ENTPD6: variants seen among roughly 807,000 people sequenced by gnomAD.
The protein encoded by ENTPD6 is ectonucleoside triphosphate diphosphohydrolase 6, also known as CD39 antigen-like 2.
A neutral mutation model predicts 61.5 loss-of-function variants in ENTPD6; 46 were observed. That is an observed-to-expected ratio of 0.75 (90% confidence interval 0.59 to 0.96). ENTPD6 has a LOEUF of 0.96. Among genes scored for constraint, ENTPD6 ranks in the 40% least tolerant of loss-of-function variants. The pLI, the probability that ENTPD6 is intolerant of heterozygous loss-of-function variation, is 0.00. For synonymous variants in ENTPD6, 252 were observed against 255.5 expected, an observed-to-expected ratio of 0.99 and a Z score of 0.13; for missense variants, 612 against 629.0, an observed-to-expected ratio of 0.97 and a Z score of 0.29.
At chr20:25,224,534 C>T in intron 13 of ENTPD6, 1 of 172,152 alleles carries the variant, frequency 5.8e-6, no homozygotes, top group East Asian at 1.6e-4. Flanking sequence ...GCCCAGCAGA[C>T]CCTGTGCCAC....
At chr20:25,214,195 C>T (rs184413069) in intron 5 of ENTPD6, among the ~76,000 whole-genome samples, 4 of 152,328 alleles carry the variant, frequency 2.6e-5, no homozygotes, top group East Asian at 1.9e-4. Flanking sequence ...CCTCACCCTC[C>T]GTGCTGCCTC....
Position 25,209,846 on chromosome 20 carries a change from T to C in ENTPD6, c.377-3T>C, listed in dbSNP as rs779053618. ...TACCCTTTTCAACATGTTTTCCCCT[T>C]AGAAACTCCCACGTTAACCCACGAA... On this transcript the variant is annotated splice_region_variant and splice_polypyrimidine_tract_variant and intron_variant, in intron 3 of 14. Coordinates refer to ENST00000376652, the MANE Select transcript of ENTPD6 (RefSeq NM_001247.5). The C allele has an allele frequency of 1.9e-6, 3 of 1,613,374 alleles. No homozygotes were observed. The highest frequency in any genetic ancestry group is 2.5e-6 in the Non-Finnish European group (3 of 1,179,256).
chr20:25,211,939 AC>A (rs2091991733), intron 4 of ENTPD6, among the ~76,000 whole-genome samples: 1 of 152,006 alleles, frequency 6.6e-6, no homozygotes, highest in Non-Finnish European at 1.5e-5. Context: ...CTCCCAAGTA[AC>A]CGGGACCATA....
At chr20:25,199,701 C>T (rs2090873286) in intron 1 of ENTPD6, among the ~76,000 whole-genome samples, 1 of 152,194 alleles carries the variant, frequency 6.6e-6, no homozygotes, top group African/African-American at 2.4e-5. Context: ...TTTGACAGCT[C>T]TGTAACTCAT....
chr20:25,203,827 A>G (rs1424815338), intron 1 of ENTPD6, among the ~76,000 whole-genome samples: 1 of 152,112 alleles, frequency 6.6e-6, no homozygotes, highest in Non-Finnish European at 1.5e-5. Flanking sequence ...TTTTTTGCTG[A>G]ACATTGGGCA....
intron 1 of ENTPD6, among the ~76,000 whole-genome samples, chr20:25,203,709 T>C (rs1402181398): frequency 1.3e-5 from 2 of 152,276 alleles, no homozygotes; most frequent in African/African-American, 2.4e-5. Context: ...ATTTTTAGTC[T>C]TGGTCAAGTA....
At chr20:25,213,193 G>A in intron 4 of ENTPD6, 70 bp from the exon 5 acceptor site, 3 of 1,596,544 alleles carry the variant, frequency 1.9e-6, no homozygotes, top group Non-Finnish European at 1.7e-6. Context: ...ACCCAAAAGG[G>A]TGGAAGCAGC....
chr20:25,213,400 G>A lies in ENTPD6; in HGVS notation c.591G>A (p.Leu197=), dbSNP rs780012460. 6.2e-7 allele frequency: 1 copy of A among 1,607,258 alleles called. No individual in the cohort carries two copies. The highest frequency in any genetic ancestry group is 8.5e-7 in the Non-Finnish European group (1 of 1,175,976). The part of the protein sequence containing the change: ...LLPGEKAQKL[L]QKVKKVFKAS... ...CTGGAGAAAAGGCCCAGAAGTTACT[G>A]CAGAAGGTGAGCCTGGCCATTCCCC... The change falls in exon 5 of 15, where the codon CTG becomes CTA. Residue 197 remains leucine, a synonymous_variant. Transcript: ENST00000376652.
intron 1 of ENTPD6, chr20:25,197,210 C>T: frequency 1.0e-6 from 1 of 985,400 alleles, no homozygotes; most frequent in Non-Finnish European, 1.2e-6. Context: ...ATCAGATGGC[C>T]CCTGTATTTC....
At chr20:25,211,226 T>C (rs999910684) in intron 4 of ENTPD6, among the ~76,000 whole-genome samples, 3 of 152,204 alleles carry the variant, frequency 2.0e-5, no homozygotes, top group African/African-American at 7.2e-5. Flanking sequence ...GACAATGTAG[T>C]TCAAGCCTTG....
At chr20:25,212,272 C>T (rs1319821619) in intron 4 of ENTPD6, among the ~76,000 whole-genome samples, 1 of 152,196 alleles carries the variant, frequency 6.6e-6, no homozygotes, top group Non-Finnish European at 1.5e-5. Context: ...TGAAGTGGCT[C>T]CTCGTTGTAG....
At chr20:25,197,134 C>T (rs2090523544) in intron 1 of ENTPD6, 2 of 985,400 alleles carry the variant, frequency 2.0e-6, no homozygotes, top group South Asian at 9.4e-5. Flanking sequence ...CATTCATGAC[C>T]CTTCCGTGTA....
intron 9 of ENTPD6, among the ~76,000 whole-genome samples, 165 bp downstream of exon 9, chr20:25,217,746 C>T (rs1327913290): frequency 5.1e-4 from 69 of 135,460 alleles, no homozygotes; most frequent in Admixed American, 1.5e-3. Context: ...GCCTCCTCTG[C>T]CCTCCTCCTT....
At position 25,207,087 on chromosome 20, in the gene ENTPD6, C is replaced by T. The variant is rs34363734; in HGVS notation, c.66C>T (p.His22=). ...KTSYIFQQPQ[H]GPWQTRMRKI... is the part of the protein sequence containing the mutation. ...CCCCTTCCCACCAGCAGCCGCAGCA[C>T]GGTCCTTGGCAAACAAGGATGAGAA... The change falls in exon 3 of 15, where the codon CAC becomes CAT. Residue 22 remains histidine (H), a synonymous_variant. Transcript: ENST00000376652. 503 of 1,605,970 alleles carry T rather than the reference C, an allele frequency of 3.1e-4. 2 individuals are homozygous for T. The highest frequency in any genetic ancestry group is 1.3e-3 in the Middle Eastern group (8 of 6,028).
chr20:25,214,627 C>G (rs1378620588), intron 5 of ENTPD6: 4 of 497,298 alleles, frequency 8.0e-6, no homozygotes, highest in Non-Finnish European at 1.5e-5. Flanking sequence ...GCAGGTGCCC[C>G]TGGGGTTTCG....
rs1056409315 is a variant in ENTPD6 at position 25,195,804 on chromosome 20, C to G, written c.-79C>G. 8.1e-7 allele frequency: 1 copy of G among 1,235,248 alleles called. No individual in the cohort carries two copies. Among genetic ancestry groups the G allele is most frequent in the African/African-American group, 1.6e-5 (1 of 64,380 alleles). The allele number at this position is 1,235,248 out of a possible 1,614,324, so 76.5% of individuals were successfully genotyped here. ...GGGGCGGGGGAGCCCAAAAGACCGGCTGCCGCCTGCTCCCCGGAAAAGGGC... is the reference window on the plus strand; with the variant it reads ...GGGGCGGGGGAGCCCAAAAGACCGGGTGCCGCCTGCTCCCCGGAAAAGGGC... On this transcript the variant is annotated 5_prime_UTR_variant, in exon 1 of 15. Coordinates refer to ENST00000376652, the MANE Select transcript of ENTPD6 (RefSeq NM_001247.5).
intron 11 of ENTPD6, 58 bp downstream of exon 11, chr20:25,221,391 C>G: frequency 1.5e-6 from 2 of 1,315,552 alleles, no homozygotes; most frequent in Non-Finnish European, 2.2e-6. Context: ...GCCTCCTCTC[C>G]CCCTTGCCTT....
rs944686971 is a variant in ENTPD6, at chr20:25,225,300, A to G, written c.1339A>G (p.Arg447Gly). 3 of 1,613,056 alleles carry G rather than the reference A, an allele frequency of 1.9e-6. No homozygotes were observed. The highest frequency in any genetic ancestry group is 2.7e-5 in the African/African-American group (2 of 74,892). The change falls in exon 14 of 15, where the codon AGG becomes GGG. Residue 447 changes from arginine to glycine, a missense_variant. By Grantham distance (125) the Arg-to-Gly change is moderately radical. Transcript: ENST00000376652. ...SLLLQEFGFP[R>G]SKVLKLTRKI... ...GCTACTCCAGGAGTTCGGCTTTCCC[A>G]GGAGCAAAGTGCTGAAGGTAAGGGT...
intron 2 of ENTPD6, 139 bp downstream of exon 2, chr20:25,206,729 A>T: frequency 4.2e-6 from 3 of 722,594 alleles, no homozygotes; most frequent in Non-Finnish European, 7.3e-6. Flanking sequence ...CAGTTTGGGA[A>T]CACCATTTAC....
Sources: gnomAD v4.1 joint callset for allele counts (sites outside exome capture counted in the v4.1 genomes callset) on GRCh38, gnomAD v4.1.1 for gene constraint, MANE v1.5 for transcripts, NCBI Gene and HGNC (gene_info 2026-07-23, HGNC 2026-07-21) for gene names.